ARAP1: variants seen among roughly 807,000 people sequenced by gnomAD.
ARAP1 encodes arf-GAP with Rho-GAP domain, ANK repeat and PH domain-containing protein 1.
A neutral mutation model predicts 172.2 loss-of-function variants in ARAP1; 76 were observed. That is an observed-to-expected ratio of 0.44 (90% CI 0.37 to 0.53). The LOEUF is 0.53. Ranked by LOEUF, ARAP1 falls within the 20% of genes least tolerant of loss-of-function variation. The probability of loss-of-function intolerance (pLI) is 0.00; values close to 1 mark genes in which losing one functional copy is unlikely to be tolerated. For synonymous variants in ARAP1, 804 were observed against 803.3 expected, an observed-to-expected ratio of 1.00 and a Z score of -0.01; for missense variants, 1,686 against 1,977.5, an observed-to-expected ratio of 0.85 and a Z score of 2.80.
At chr11:72,747,936 G>A (rs1433969681) in intron 1 of ARAP1, among the ~76,000 whole-genome samples, 1 of 152,216 alleles carries the variant, frequency 6.6e-6, no homozygotes, top group Admixed American at 6.5e-5. Context: ...CCCAGGGTAG[G>A]ACTGGGTTTA....
chr11:72,707,800 G>A (rs1030528004), intron 11 of ARAP1, among the ~76,000 whole-genome samples: 2 of 152,112 alleles, frequency 1.3e-5, no homozygotes, highest in Non-Finnish European at 2.9e-5. Context: ...GACAGGGACA[G>A]GCCTGCATCA....
At chr11:72,740,587 A>C (rs1320048966) in intron 1 of ARAP1, among the ~76,000 whole-genome samples, 1 of 152,218 alleles carries the variant, frequency 6.6e-6, no homozygotes, top group Non-Finnish European at 1.5e-5. Context: ...TAGATTACTA[A>C]CAGAACTATT....
At chr11:72,717,871 G>A (rs1413113943) in intron 3 of ARAP1, among the ~76,000 whole-genome samples, 1 of 152,204 alleles carries the variant, frequency 6.6e-6, no homozygotes, top group Admixed American at 6.5e-5. Context: ...TGGCAGCCCA[G>A]TACCACAGCT....
At chr11:72,742,656 G>A (rs1858236592) in intron 1 of ARAP1, among the ~76,000 whole-genome samples, 1 of 152,222 alleles carries the variant, frequency 6.6e-6, no homozygotes, top group Non-Finnish European at 1.5e-5. Context: ...GTGCTCTGGT[G>A]ATGGAGCACA....
intron 1 of ARAP1, among the ~76,000 whole-genome samples, chr11:72,737,287 G>A (rs543145073): frequency 4.6e-5 from 7 of 152,266 alleles, no homozygotes; most frequent in South Asian, 4.1e-4. Flanking sequence ...GGTAAGGGTC[G>A]CCTGGAATCT....
rs762474757 is a variant in ARAP1, at chr11:72,695,943, G to A, written c.3273-78C>T. 2 of 1,506,022 alleles carry A rather than the reference G, an allele frequency of 1.3e-6. No homozygotes were observed. The highest frequency in any genetic ancestry group is 2.3e-5 in the East Asian group (1 of 43,042). The allele number at this position is 1,506,022 out of a possible 1,614,324, so 93.3% of individuals were successfully genotyped here. A position where few individuals can be genotyped will look rare whatever the true frequency, so the allele number is the denominator to read the frequency against. The stretch of plus-strand genomic sequence containing the variant: ...ATCTCACCCTATTAATTTCTGACAG[G>A]TCCAAGACTGGTCTGGTCAGAGGGG... On this transcript the variant is annotated intron_variant, in intron 23 of 34. Transcript: ENST00000393609. This position sits in a 1 kb window ranked among gnomAD's most constrained non-coding sequence, Gnocchi z 4.4.
At chr11:72,714,821 G>A (rs1198462160) in intron 3 of ARAP1, among the ~76,000 whole-genome samples, 3 of 152,100 alleles carry the variant, frequency 2.0e-5, no homozygotes, top group Non-Finnish European at 2.9e-5. Context: ...CCTTGCTCTT[G>A]CCCAGATTTG....
chr11:72,731,971 C>T (rs1383584932), intron 2 of ARAP1, among the ~76,000 whole-genome samples: 1 of 151,898 alleles, frequency 6.6e-6, no homozygotes, highest in East Asian at 1.9e-4. Context: ...GTTATGTAAA[C>T]ATCTCGGTTA....
intron 1 of ARAP1, among the ~76,000 whole-genome samples, chr11:72,735,681 C>T (rs538693684): frequency 6.6e-6 from 1 of 152,282 alleles, no homozygotes; most frequent in South Asian, 2.1e-4. Context: ...GATGACGGTC[C>T]CAGCAACCCC....
chr11:72,733,701 G>A (rs1022880709), intron 1 of ARAP1, among the ~76,000 whole-genome samples: 1 of 152,210 alleles, frequency 6.6e-6, no homozygotes, highest in Non-Finnish European at 1.5e-5. Context: ...AATGGCTTCA[G>A]TAGGTATTCA....
intron 16 of ARAP1, among the ~76,000 whole-genome samples, chr11:72,701,400 G>A (rs1421161419): frequency 6.6e-6 from 1 of 152,204 alleles, no homozygotes; most frequent in Non-Finnish European, 1.5e-5. Flanking sequence ...CCCATATCCA[G>A]TAGGGGCTCA....
intron 15 of ARAP1, among the ~76,000 whole-genome samples, chr11:72,702,323 A>T (rs1395295806): frequency 6.6e-6 from 1 of 151,946 alleles, no homozygotes; most frequent in Non-Finnish European, 1.5e-5. Flanking sequence ...CTGAGCCCAG[A>T]GCCCCAGCCA....
chr11:72,693,853 C>T lies in ARAP1; in HGVS notation c.3695-48G>A. 1 of 1,474,900 alleles carries T rather than the reference C, an allele frequency of 6.8e-7. No homozygotes were observed. The highest frequency in any genetic ancestry group is 9.2e-7 in the Non-Finnish European group (1 of 1,089,696). The allele number at this position is 1,474,900 out of a possible 1,614,324, so 91.4% of individuals were successfully genotyped here. A position where few individuals can be genotyped will look rare whatever the true frequency, so the allele number is the denominator to read the frequency against. ...GTCACTGGGACCACATGGCCCGATA[C>T]CACCAAAGGCTGGCAGATGGGCACA... is the stretch of plus-strand genomic sequence containing the variant. On this transcript the variant is annotated intron_variant, in intron 27 of 34. Transcript: ENST00000393609. This position sits in a 1 kb window ranked among gnomAD's most constrained non-coding sequence, Gnocchi z 4.6.
chr11:72,746,417 C>T (rs970056057), intron 1 of ARAP1, among the ~76,000 whole-genome samples: 1 of 152,214 alleles, frequency 6.6e-6, no homozygotes, highest in Non-Finnish European at 1.5e-5. Context: ...AGGCCTCAGC[C>T]GTCTGCACCA....
rs1856034957 is a variant in ARAP1, at chr11:72,693,571, T to C, written c.3809-101A>G. 3 of 1,538,510 alleles carry C rather than the reference T, an allele frequency of 1.9e-6. No individual in the cohort carries two copies. Among genetic ancestry groups the C allele is most frequent in the Admixed American group, 3.7e-5 (2 of 53,930 alleles). On this transcript the variant is annotated intron_variant, in intron 28 of 34. Coordinates refer to ENST00000393609, the MANE Select transcript of ARAP1 (RefSeq NM_001040118.3). The surrounding 1 kb of genome is among the most constrained non-coding windows in gnomAD (Gnocchi z 4.6). ...GCCCCATCCTGCCCCAGCCTCTCCA[T>C]AGAGGCCCACCCACTTGGCGCCCTC... is the stretch of plus-strand genomic sequence containing the variant.
At chr11:72,708,275 G>A (rs1275333842) in intron 11 of ARAP1, 2 of 152,202 alleles carry the variant, frequency 1.3e-5, no homozygotes, top group Non-Finnish European at 2.9e-5. Flanking sequence ...CTAGCACGTG[G>A]AATTCGCAAA....
Position 72,711,110 on chromosome 11 carries a change from G to C in ARAP1, c.1124C>G (p.Ala375Gly). 3 of 1,614,222 alleles carry C rather than the reference G, an allele frequency of 1.9e-6. No individual in the cohort carries two copies. Among genetic ancestry groups the C allele is most frequent in the Non-Finnish European group, 2.5e-6 (3 of 1,180,042 alleles). Residue 375 changes from alanine (A) to glycine (G), a missense_variant, in exon 9 of 35, where the codon GCC becomes GGC. Physicochemically the swap from Ala to Gly is moderately conservative, Grantham distance 60 (BLOSUM62 0). This residue lies in a region of ARAP1 where 688 missense variants were observed against 856.9 expected (regional missense o/e 0.80). Transcript: ENST00000393609. Reference protein sequence around the residue: ...DAYSKRFISVACISHVAAIGD... With the variant: ...DAYSKRFISVGCISHVAAIGD... ...GATGGCAGCCACGTGGGAGATGCAG[G>C]CCACAGAGATAAAGCGCTTAGAGTA... is the stretch of plus-strand genomic sequence containing the variant.
At chr11:72,703,486 G>C (rs529811605) in intron 14 of ARAP1, 1 of 169,118 alleles carries the variant, frequency 5.9e-6, no homozygotes, top group African/African-American at 2.4e-5. Context: ...CCAACCAATG[G>C]GAGTTGCCGC....
rs750614391 is a variant in ARAP1, at chr11:72,697,414, G to A, written c.2862C>T (p.Ala954=). The change falls in exon 21 of 35, where the codon GCC becomes GCT. Residue 954 remains alanine (A), a synonymous_variant. Transcript: ENST00000393609. ...GWLGAIQKAA[A]SMGDTLSEQQ... Reference sequence around the variant, plus strand: ...GCTCCGACAGCGTGTCCCCCATGCTGGCGGCTGCTTTCTGGATGGCCCCCA... The same window carrying A: ...GCTCCGACAGCGTGTCCCCCATGCTAGCGGCTGCTTTCTGGATGGCCCCCA... 6.2e-6 allele frequency: 10 copies of A among 1,611,682 alleles called. No homozygotes were observed. The highest frequency in any genetic ancestry group is 1.3e-5 in the African/African-American group (1 of 74,860).
Sources: allele counts gnomAD v4.1 joint callset (sites outside exome capture counted in the v4.1 genomes callset), GRCh38; gene constraint gnomAD v4.1.1; regional missense constraint gnomAD v4.1.1; non-coding constraint Gnocchi (gnomAD v3.1); transcripts MANE v1.5; gene names NCBI Gene and HGNC (gene_info 2026-07-23, HGNC 2026-07-21).